Variants in AGMO observed in about 807,000 individuals in gnomAD.
AGMO encodes glyceryl-ether monooxygenase.
AGMO carries 75 observed loss-of-function variants against 60.2 expected under a neutral mutation model. The ratio of observed to expected loss-of-function variants is 1.25; its 90% confidence interval spans 1.03 to 1.51. The LOEUF (loss-of-function observed/expected upper bound fraction) is 1.51, where lower values mean the gene tolerates loss of function less well. Ranked by LOEUF, AGMO falls within the 40% of genes most tolerant of loss-of-function variation. The pLI is 0.00. For synonymous variants in AGMO, 261 were observed against 177.1 expected, an observed-to-expected ratio of 1.47 and a Z score of -3.76; for missense variants, 763 against 525.5, an observed-to-expected ratio of 1.45 and a Z score of -4.42.
chr7:15,262,301 T>C (rs773045097), intron 12 of AGMO, among the ~76,000 whole-genome samples: 36 of 152,150 alleles, frequency 2.4e-4, no homozygotes, highest in African/African-American at 5.5e-4. Flanking sequence ...ACAAAATTAA[T>C]GTACACAAAT....
At chr7:15,195,534 C>T (rs370385285), downstream of AGMO, among the ~76,000 whole-genome samples, 34 of 152,304 alleles carry the variant, frequency 2.2e-4, no homozygotes, top group African/African-American at 6.7e-4. Context: ...TTGTACTTGG[C>T]TGGCGCCATG....
At chr7:15,205,173 T>A (rs1781409046) in intron 12 of AGMO, among the ~76,000 whole-genome samples, 1 of 152,208 alleles carries the variant, frequency 6.6e-6, no homozygotes, top group Non-Finnish European at 1.5e-5. Context: ...CTTCTGGTTT[T>A]AATACACTTA....
chr7:15,362,325 TA>T (rs1360101632), intron 12 of AGMO, among the ~76,000 whole-genome samples: 3 of 152,114 alleles, frequency 2.0e-5, no homozygotes, highest in Admixed American at 6.5e-5. Flanking sequence ...CTTTCCAGAT[TA>T]AAAAAAGATT....
intron 12 of AGMO, among the ~76,000 whole-genome samples, chr7:15,280,865 T>C (rs1783944386): frequency 6.6e-6 from 1 of 152,186 alleles, no homozygotes; most frequent in Admixed American, 6.5e-5. Context: ...CTATGGCTAT[T>C]TATAACCAAA....
In AGMO at chr7:15,265,779, T is replaced by C. The variant is rs139871094; in HGVS notation, c.1264-64420A>G. 6.4e-3 allele frequency among the ~76,000 whole-genome samples: 974 copies of C among 152,198 alleles called. 8 individuals are homozygous for C. Among genetic ancestry groups the C allele is most frequent in the Non-Finnish European group, 0.01 (694 of 67,976 alleles). Reference sequence around the variant, plus strand: ...TATATGATATAGCAATTCCACTTCATAGTGTATACCCAAAAGAATTGAAAG... The same window carrying C: ...TATATGATATAGCAATTCCACTTCACAGTGTATACCCAAAAGAATTGAAAG... On this transcript the variant is annotated intron_variant, in intron 12 of 12. Transcript: ENST00000342526.
At chr7:15,340,648 G>A (rs1317571803) in intron 12 of AGMO, among the ~76,000 whole-genome samples, 1 of 152,188 alleles carries the variant, frequency 6.6e-6, no homozygotes, top group Non-Finnish European at 1.5e-5. Context: ...GCAGCTCCAT[G>A]TGGTGTTGGT....
intron 12 of AGMO, among the ~76,000 whole-genome samples, chr7:15,300,570 A>C (rs1482877916): frequency 1.3e-5 from 2 of 152,216 alleles, no homozygotes; most frequent in Non-Finnish European, 2.9e-5. Flanking sequence ...AAAGCACAGA[A>C]ATAACCTTCA....
chr7:15,211,177 T>C (rs1345106307), intron 12 of AGMO, among the ~76,000 whole-genome samples: 2 of 152,070 alleles, frequency 1.3e-5, no homozygotes, highest in African/African-American at 4.8e-5. Flanking sequence ...ATGGGAGTAT[T>C]AGCTTCCCTG....
chr7:15,299,466 G>C (rs1784496538), intron 12 of AGMO, among the ~76,000 whole-genome samples: 1 of 152,036 alleles, frequency 6.6e-6, no homozygotes, highest in African/African-American at 2.4e-5. Context: ...TGAGTACTAA[G>C]GACTGATATC....
chr7:15,411,126 A>C (rs1385610202), intron 5 of AGMO, among the ~76,000 whole-genome samples: 1 of 151,678 alleles, frequency 6.6e-6, no homozygotes, highest in Non-Finnish European at 1.5e-5. Context: ...ATAAATTTGC[A>C]CCCTATTTGC....
chr7:15,443,382 G>A (rs1346229291), intron 3 of AGMO, among the ~76,000 whole-genome samples: 6 of 152,162 alleles, frequency 3.9e-5, no homozygotes, highest in African/African-American at 1.4e-4. Flanking sequence ...CACCAAAGAA[G>A]CAAGCCACGC....
rs1782404046 is a variant in AGMO, at chr7:15,354,407, CACACGTGT to C, written c.1263+11099_1263+11106del. On this transcript the variant is annotated intron_variant, in intron 12 of 12. Transcript: ENST00000342526. Reference sequence around the variant, plus strand: ...ACGTGTGTGTATACACGTGTGTGTACACACGTGTGTGTATACACACACGTGTGTGTATA... The same window carrying C: ...ACGTGTGTGTATACACGTGTGTGTACGTGTATACACACACGTGTGTGTATA... Among the ~76,000 whole-genome samples, 11 of 19,262 alleles carry C rather than the reference CACACGTGT, an allele frequency of 5.7e-4. 2 individuals are homozygous for C. The highest frequency in any genetic ancestry group is 2.8e-3 in the African/African-American group (9 of 3,248). 12.6% of individuals were successfully genotyped at this position (19,262 alleles called of 152,430 possible).
At chr7:15,320,827 A>C (rs555484508) in intron 12 of AGMO, among the ~76,000 whole-genome samples, 125 of 152,320 alleles carry the variant, frequency 8.2e-4, no homozygotes, top group African/African-American at 2.4e-3. Context: ...TCAAGTTGAA[A>C]CAACTATGTT....
intron 12 of AGMO, among the ~76,000 whole-genome samples, chr7:15,262,258 A>C (rs1783295221): frequency 6.6e-6 from 1 of 152,086 alleles, no homozygotes; most frequent in Admixed American, 6.6e-5. Flanking sequence ...AAGCTCCTAG[A>C]ACTGGTAACT....
intron 3 of AGMO, among the ~76,000 whole-genome samples, chr7:15,529,554 A>G (rs1298815092): frequency 1.6e-5 from 2 of 124,186 alleles, no homozygotes; most frequent in Non-Finnish European, 3.2e-5. Flanking sequence ...CTATATATAT[A>G]GAATATATAT....
intron 12 of AGMO, among the ~76,000 whole-genome samples, chr7:15,350,321 A>G (rs1047162149): frequency 2.0e-5 from 3 of 152,212 alleles, no homozygotes; most frequent in African/African-American, 7.2e-5. Flanking sequence ...TTCAGCAAAT[A>G]TAAAATCAGT....
At chr7:15,293,590 CTGT>C (rs1784334820) in intron 12 of AGMO, among the ~76,000 whole-genome samples, 1 of 151,958 alleles carries the variant, frequency 6.6e-6, no homozygotes, top group Non-Finnish European at 1.5e-5. Context: ...TTACAAAAAA[CTGT>C]TAACATCTCA....
At chr7:15,368,045 T>C (rs1245841505) in intron 10 of AGMO, among the ~76,000 whole-genome samples, 1 of 151,986 alleles carries the variant, frequency 6.6e-6, no homozygotes, top group Non-Finnish European at 1.5e-5. Context: ...GCAGCCAGAA[T>C]TGTCAAGAGA....
intron 6 of AGMO, among the ~76,000 whole-genome samples, chr7:15,393,298 T>A (rs973410602): frequency 7.9e-5 from 12 of 152,204 alleles, no homozygotes; most frequent in Admixed American, 7.2e-4. Context: ...CGAGGAAGAC[T>A]GGAAACTTAT....
Sources: gnomAD v4.1 joint callset for allele counts (sites outside exome capture counted in the v4.1 genomes callset) on GRCh38, gnomAD v4.1.1 for gene constraint, MANE v1.5 for transcripts, NCBI Gene and HGNC (gene_info 2026-07-23, HGNC 2026-07-21) for gene names.